The following ATP8A1 variants were observed in gnomAD, a reference collection of about 807,000 sequenced individuals.
ATP8A1 encodes ATPase phospholipid transporting 8A1.
In ATP8A1, 90 loss-of-function variants were observed where a neutral mutation model predicts 177.7. The observed-to-expected ratio is 0.51, with a 90% CI of 0.43 to 0.60. The LOEUF (loss-of-function observed/expected upper bound fraction) is 0.60, where lower values mean the gene tolerates loss of function less well. ATP8A1 is among the 20% of genes least tolerant of loss of function. The probability of loss-of-function intolerance (pLI) is 0.00; values close to 1 mark genes in which losing one functional copy is unlikely to be tolerated. For synonymous variants in ATP8A1, 493 were observed against 485.9 expected (o/e 1.01, Z -0.19); for missense variants, 1,072 against 1,392.8 (o/e 0.77, Z 3.67).
At chr4:42,425,194 G>A (rs1577905472) in intron 33 of ATP8A1, among the ~76,000 whole-genome samples, 1 of 152,040 alleles carries the variant, frequency 6.6e-6, no homozygotes, top group Non-Finnish European at 1.5e-5. Context: ...ACATTTACTT[G>A]GCTTAATTTT....
chr4:42,556,795 T>G (rs1315143900), intron 15 of ATP8A1, among the ~76,000 whole-genome samples: 1 of 152,080 alleles, frequency 6.6e-6, no homozygotes, highest in Non-Finnish European at 1.5e-5. Flanking sequence ...AAGAAAAGGG[T>G]ATAGTTTGCA....
intron 8 of ATP8A1, among the ~76,000 whole-genome samples, chr4:42,587,620 T>C (rs1211229940): frequency 6.7e-6 from 1 of 149,308 alleles, no homozygotes; most frequent in Non-Finnish European, 1.5e-5. Flanking sequence ...GCTTTTTTTT[T>C]TTTTGAGACA....
chr4:42,540,988 T>A (rs537594201), intron 20 of ATP8A1, among the ~76,000 whole-genome samples: 3 of 152,232 alleles, frequency 2.0e-5, no homozygotes, highest in African/African-American at 7.2e-5. Flanking sequence ...CAATTTCTCA[T>A]GTACCCCATA....
intron 16 of ATP8A1, among the ~76,000 whole-genome samples, chr4:42,552,904 G>T (rs1010444767): frequency 6.6e-6 from 1 of 152,122 alleles, no homozygotes. Context: ...GCTTGAACCC[G>T]GGAGGCGGGA....
intron 8 of ATP8A1, among the ~76,000 whole-genome samples, 163 bp downstream of exon 8, chr4:42,588,097 T>C (rs16854561): frequency 0.041 from 6,314 of 152,326 alleles, 172 homozygotes; most frequent in African/African-American, 0.076. Flanking sequence ...GAATCTTCCA[T>C]AATACTTAAC....
chr4:42,648,142 T>G (rs951097525), intron 1 of ATP8A1, among the ~76,000 whole-genome samples: 4 of 152,162 alleles, frequency 2.6e-5, no homozygotes, highest in Non-Finnish European at 4.4e-5. Context: ...TTATAAACAA[T>G]GCAATTCCAA....
At chr4:42,439,384 A>G (rs1716372459) in intron 33 of ATP8A1, among the ~76,000 whole-genome samples, 1 of 152,222 alleles carries the variant, frequency 6.6e-6, no homozygotes, top group African/African-American at 2.4e-5. Context: ...CATGTGTTGG[A>G]AATCACAAGA....
rs758010227 is a variant in ATP8A1, at chr4:42,507,169, T to C, written c.1948-15A>G. The C allele has an allele frequency of 2.5e-6, 4 of 1,610,964 alleles. No homozygotes were observed. The Admixed American group carries it at 5.1e-5, about 20-fold the overall frequency. ...AGCTGAAGATTCTGAAAAAAATTAG[T>C]GGTAGAAATGTTTTAAAAATCCGTT... On this transcript the variant is annotated splice_polypyrimidine_tract_variant and intron_variant, in intron 22 of 36. Coordinates refer to ENST00000381668, the MANE Select transcript of ATP8A1 (RefSeq NM_006095.2).
intron 29 of ATP8A1, among the ~76,000 whole-genome samples, chr4:42,454,292 T>C (rs536055809): frequency 6.6e-6 from 1 of 152,324 alleles, no homozygotes; most frequent in Non-Finnish European, 1.5e-5. Flanking sequence ...AACACCTGTT[T>C]CACTTTATTC....
At chr4:42,493,810 A>G (rs1287057536) in intron 24 of ATP8A1, among the ~76,000 whole-genome samples, 1 of 152,108 alleles carries the variant, frequency 6.6e-6, no homozygotes, top group Non-Finnish European at 1.5e-5. Context: ...TAACTCCTTT[A>G]TTTGTGAATA....
intron 33 of ATP8A1, among the ~76,000 whole-genome samples, chr4:42,431,932 GT>G (rs1715357455): frequency 6.6e-6 from 1 of 152,212 alleles, no homozygotes; most frequent in African/African-American, 2.4e-5. Context: ...AAGTTTGCAG[GT>G]ATTGTTTCTT....
intron 25 of ATP8A1, among the ~76,000 whole-genome samples, chr4:42,467,689 T>C (rs1335651114): frequency 6.6e-6 from 1 of 152,162 alleles, no homozygotes; most frequent in Non-Finnish European, 1.5e-5. Context: ...CGGGACTCCA[T>C]CTCGGGAAAA....
At chr4:42,632,457 A>G (rs1393331368) in intron 1 of ATP8A1, among the ~76,000 whole-genome samples, 1 of 152,208 alleles carries the variant, frequency 6.6e-6, no homozygotes, top group African/African-American at 2.4e-5. Flanking sequence ...TTTAAACCAG[A>G]GACTCTAAGA....
rs148997291 is a variant in ATP8A1, at chr4:42,426,944, T to C, written c.3124-3239A>G. On this transcript the variant is annotated intron_variant, in intron 33 of 36. Coordinates refer to ENST00000381668, the MANE Select transcript of ATP8A1 (RefSeq NM_006095.2). ...ATAGAAATTATTGACTACACCGGCA[T>C]AATATATTAATTTTGGAAGGGAAAA... is the stretch of plus-strand genomic sequence containing the variant. 3.4e-3 allele frequency among the ~76,000 whole-genome samples: 520 copies of C among 152,328 alleles called. 3 individuals are homozygous for C. Among genetic ancestry groups the C allele is most frequent in the Middle Eastern group, 0.014 (4 of 294 alleles).
At chr4:42,450,521 T>C (rs1325594609) in intron 30 of ATP8A1, among the ~76,000 whole-genome samples, 1 of 152,240 alleles carries the variant, frequency 6.6e-6, no homozygotes, top group Non-Finnish European at 1.5e-5. Context: ...ACAAACTAAC[T>C]CACTGTAATT....
intron 5 of ATP8A1, among the ~76,000 whole-genome samples, chr4:42,601,041 T>TG (rs1343236395): frequency 1.4e-5 from 2 of 145,210 alleles, no homozygotes; most frequent in Non-Finnish European, 3.0e-5. Flanking sequence ...TTCTTTTTTT[T>TG]TTTTTTTTTT....
At chr4:42,525,046 T>C (rs973866826) in intron 20 of ATP8A1, among the ~76,000 whole-genome samples, 199 bp from the exon 21 acceptor site, 1 of 152,254 alleles carries the variant, frequency 6.6e-6, no homozygotes, top group Non-Finnish European at 1.5e-5. Context: ...TGCATCTTCA[T>C]CTTTCCTCTT....
chr4:42,493,077 G>T (rs1246283154), intron 24 of ATP8A1, among the ~76,000 whole-genome samples: 1 of 151,476 alleles, frequency 6.6e-6, no homozygotes, highest in African/African-American at 2.4e-5. Context: ...TGTAGAGAAA[G>T]CAGTGGTCTG....
chr4:42,595,948 A>G (rs1734676341), intron 6 of ATP8A1, among the ~76,000 whole-genome samples: 1 of 152,264 alleles, frequency 6.6e-6, no homozygotes, highest in African/African-American at 2.4e-5. Context: ...CCAGGGGCTT[A>G]CTAAATGCTG....
Sources: gnomAD v4.1 joint callset for allele counts (sites outside exome capture counted in the v4.1 genomes callset) on GRCh38, gnomAD v4.1.1 for gene constraint, MANE v1.5 for transcripts, NCBI Gene and HGNC (gene_info 2026-07-23, HGNC 2026-07-21) for gene names.